Variants in CDC73 observed in about 807,000 individuals in gnomAD.
CDC73 encodes the protein cell division cycle 73.
Under a neutral mutation model 83.7 loss-of-function variants are expected in CDC73, and 21 were observed. That is an observed-to-expected ratio of 0.25 (90% CI 0.18 to 0.36). The LOEUF (loss-of-function observed/expected upper bound fraction) is 0.36. CDC73 is among the 10% of genes least tolerant of loss of function. CDC73 has a pLI of 1.00. For synonymous variants in CDC73, 224 were observed against 212.9 expected (o/e 1.05, Z -0.45); for missense variants, 342 against 653.3 (o/e 0.52, Z 5.19).
chr1:193,238,446 T>A (rs189142806), intron 15 of CDC73, among the ~76,000 whole-genome samples: 3 of 152,226 alleles, frequency 2.0e-5, no homozygotes, highest in Non-Finnish European at 4.4e-5. Flanking sequence ...GACTCAAATA[T>A]TGGATACTGT....
chr1:193,179,329 A>G lies in CDC73; in HGVS notation c.973-24466A>G, dbSNP rs952584915. Reference sequence around the variant, plus strand: ...TCCCGTATGTTGCATTTTGGCAGACATGCATCTTAAAAATGTGTTGAATGA... The same window carrying G: ...TCCCGTATGTTGCATTTTGGCAGACGTGCATCTTAAAAATGTGTTGAATGA... On this transcript the variant is annotated intron_variant, in intron 10 of 16. Coordinates refer to ENST00000367435, the MANE Select transcript of CDC73 (RefSeq NM_024529.5). 31 of 152,290 alleles carry G rather than the reference A, an allele frequency of 2.0e-4. 1 individual carries two copies. The highest frequency in any genetic ancestry group is 7.2e-4 in the African/African-American group (30 of 41,476). 9.4% of individuals were successfully genotyped at this position (152,290 alleles called of 1,614,324 possible).
chr1:193,176,889 A>C (rs1240021378), intron 10 of CDC73, among the ~76,000 whole-genome samples: 1 of 152,212 alleles, frequency 6.6e-6, no homozygotes, highest in Admixed American at 6.5e-5. Flanking sequence ...TCTAAGTGCC[A>C]CCTGCCTGCT....
chr1:193,229,848 A>C (rs1262826720), intron 13 of CDC73, among the ~76,000 whole-genome samples: 4 of 152,210 alleles, frequency 2.6e-5, no homozygotes, highest in African/African-American at 7.2e-5. Flanking sequence ...ATAAATTCCC[A>C]AAACAGGAAA....
chr1:193,196,268 C>G (rs971051084), intron 10 of CDC73, among the ~76,000 whole-genome samples: 2 of 152,168 alleles, frequency 1.3e-5, no homozygotes, highest in East Asian at 3.8e-4. Flanking sequence ...ATTGAATGGT[C>G]TGGACACCCT....
chr1:193,238,172 C>A (rs1677796193), intron 15 of CDC73, among the ~76,000 whole-genome samples: 1 of 152,186 alleles, frequency 6.6e-6, no homozygotes, highest in Non-Finnish European at 1.5e-5. Context: ...CAGTGATTTA[C>A]TTTCATGAAC....
At position 193,250,676 on chromosome 1, in the gene CDC73, G is replaced by A. The variant is rs1487870537; in HGVS notation, c.1560G>A (p.Arg520=). Residue 520 remains arginine, a splice_region_variant and synonymous_variant, in exon 17 of 17, where the codon AGG becomes AGA. Transcript: ENST00000367435. ...TAACCTACCATAATATTTTTTTCAG[G>A]TACATGGTAAAGCATAAATCGCACT... ...VFLRFWETLD[R]YMVKHKSHLR... 6.2e-6 allele frequency: 10 copies of A among 1,605,112 alleles called. No homozygotes were observed. Among genetic ancestry groups the A allele is most frequent in the Non-Finnish European group, 8.5e-6 (10 of 1,173,022 alleles).
chr1:193,138,774 AT>A (rs5779662), intron 6 of CDC73, among the ~76,000 whole-genome samples: 30 of 128,960 alleles, frequency 2.3e-4, no homozygotes, highest in Non-Finnish European at 3.3e-4. Flanking sequence ...CTGAACTTTA[AT>A]TTTTTTTTTT....
At chr1:193,240,317 TAA>T (rs1281747764) in intron 15 of CDC73, among the ~76,000 whole-genome samples, 4 of 152,222 alleles carry the variant, frequency 2.6e-5, no homozygotes, top group African/African-American at 9.6e-5. Context: ...AGTGCTACAG[TAA>T]ACAAGGGGTG....
intron 10 of CDC73, among the ~76,000 whole-genome samples, chr1:193,166,709 C>A (rs1676440991): frequency 6.7e-6 from 1 of 149,012 alleles, no homozygotes. Flanking sequence ...TACAGTGGAG[C>A]TATCTTGGCT....
intron 2 of CDC73, chr1:193,127,706 G>C (rs1394297114): frequency 6.6e-6 from 1 of 151,890 alleles, no homozygotes; most frequent in Non-Finnish European, 1.5e-5. Context: ...TTTTTCATAA[G>C]TATTTGCCAG....
chr1:193,244,627 T>A (rs140195485), intron 15 of CDC73, among the ~76,000 whole-genome samples: 12 of 152,352 alleles, frequency 7.9e-5, no homozygotes, highest in African/African-American at 2.6e-4. Flanking sequence ...TTCTTCAACA[T>A]AGGACATTCC....
intron 10 of CDC73, among the ~76,000 whole-genome samples, chr1:193,165,554 A>C (rs1451231914): frequency 3.3e-5 from 5 of 152,374 alleles, no homozygotes; most frequent in Admixed American, 3.3e-4. Context: ...ATACAGCATA[A>C]ATGCAAAGCA....
intron 13 of CDC73, among the ~76,000 whole-genome samples, chr1:193,223,465 G>C (rs911876817): frequency 1.3e-5 from 2 of 152,040 alleles, no homozygotes. Context: ...TTCAAATGAG[G>C]TCAGTTTTAC....
intron 3 of CDC73, among the ~76,000 whole-genome samples, chr1:193,131,975 A>G (rs1047805161): frequency 3.3e-5 from 5 of 152,216 alleles, no homozygotes; most frequent in Non-Finnish European, 1.5e-5. Context: ...TTAGAAGGTA[A>G]ATCCTAAGGG....
At position 193,162,398 on chromosome 1, in the gene CDC73, A is replaced by C. The variant is rs150250165; in HGVS notation, c.972+9954A>C. 1.2e-3 allele frequency among the ~76,000 whole-genome samples: 175 copies of C among 145,498 alleles called. 1 individual carries two copies. Among genetic ancestry groups the C allele is most frequent in the Middle Eastern group, 7.1e-3 (2 of 280 alleles). ...TATATATATACACATATGAAGACAGAGTCTCACTCTGTCGCTCAGGCTGGA... is the reference window on the plus strand; with the variant it reads ...TATATATATACACATATGAAGACAGCGTCTCACTCTGTCGCTCAGGCTGGA... On this transcript the variant is annotated intron_variant, in intron 10 of 16. Coordinates refer to ENST00000367435, the MANE Select transcript of CDC73 (RefSeq NM_024529.5).
chr1:193,249,724 C>G lies in CDC73; in HGVS notation c.1418-6C>G, dbSNP rs1678015138. 1.2e-6 allele frequency: 2 copies of G among 1,604,868 alleles called. No homozygotes were observed. Among genetic ancestry groups the G allele is most frequent in the South Asian group, 1.1e-5 (1 of 90,892 alleles). On this transcript the variant is annotated splice_polypyrimidine_tract_variant and splice_region_variant and intron_variant, in intron 15 of 16. Coordinates refer to ENST00000367435, the MANE Select transcript of CDC73 (RefSeq NM_024529.5). ...AAATGATAACTTCTCTCCACCCTCTCTATAGTTAAAGCCTTCCATCTGAAG... is the reference window on the plus strand; with the variant it reads ...AAATGATAACTTCTCTCCACCCTCTGTATAGTTAAAGCCTTCCATCTGAAG...
intron 10 of CDC73, among the ~76,000 whole-genome samples, chr1:193,194,877 A>G (rs1466686136): frequency 6.6e-6 from 1 of 152,138 alleles, no homozygotes; most frequent in Non-Finnish European, 1.5e-5. Flanking sequence ...AATGAAGCCA[A>G]TAGAATCTGT....
At position 193,251,284 on chromosome 1, in the gene CDC73, ATTTC is replaced by A. The variant is rs1477972039; in HGVS notation, c.*576_*579del. 5 of 231,878 alleles carry A rather than the reference ATTTC, an allele frequency of 2.2e-5. No individual in the cohort carries two copies. Among genetic ancestry groups the A allele is most frequent in the Middle Eastern group, 2.5e-3 (2 of 796 alleles). The allele number at this position is 231,878 out of a possible 1,614,324, so 14.4% of individuals were successfully genotyped here. ...GATTGAACTGTTCAGCCTTTTCAAG[ATTTC>A]TTTATTTACAAATGATTACATTTAA... is the stretch of plus-strand genomic sequence containing the variant. On this transcript the variant is annotated 3_prime_UTR_variant, in exon 17 of 17. Coordinates refer to ENST00000367435, the MANE Select transcript of CDC73 (RefSeq NM_024529.5).
chr1:193,215,466 T>C (rs527365338), intron 13 of CDC73, among the ~76,000 whole-genome samples: 1 of 152,328 alleles, frequency 6.6e-6, no homozygotes, highest in East Asian at 1.9e-4. Flanking sequence ...TTAGTAGTCT[T>C]ATTATTTGTA....
Sources: gnomAD v4.1 joint callset for allele counts (sites outside exome capture counted in the v4.1 genomes callset) on GRCh38, gnomAD v4.1.1 for gene constraint, MANE v1.5 for transcripts, NCBI Gene and HGNC (gene_info 2026-07-23, HGNC 2026-07-21) for gene names.